Variants in TNFSF4 observed in about 807,000 individuals in gnomAD.
The protein encoded by TNFSF4 is tumor necrosis factor ligand superfamily member 4.
Under a neutral mutation model 7.3 loss-of-function variants are expected in TNFSF4, and 4 were observed. The ratio of observed to expected loss-of-function variants is 0.55; its 90% CI spans 0.27 to 1.25. The LOEUF is 1.25. Among genes scored for constraint, TNFSF4 ranks in the 50% most tolerant of loss-of-function variants. The probability of loss-of-function intolerance (pLI) is 0.12; values close to 1 mark genes in which losing one functional copy is unlikely to be tolerated. For synonymous variants in TNFSF4, 76 were observed against 83.7 expected (o/e 0.91, Z 0.50); for missense variants, 181 against 208.8 (o/e 0.87, Z 0.82).
chr1:173,361,244 CA>C, the TNFSF4 span, among the ~76,000 whole-genome samples: 1 of 152,254 alleles, frequency 6.6e-6, no homozygotes, highest in African/African-American at 2.4e-5. Flanking sequence ...AAATTTGGAC[CA>C]GAGCAGAATT....
the TNFSF4 span, among the ~76,000 whole-genome samples, chr1:173,224,375 T>G: frequency 6.6e-6 from 1 of 152,228 alleles, no homozygotes; most frequent in African/African-American, 2.4e-5. Flanking sequence ...ATTTAATCCC[T>G]GCAGAGTGGG....
the TNFSF4 span, among the ~76,000 whole-genome samples, chr1:173,261,713 A>G: frequency 6.6e-6 from 1 of 152,206 alleles, no homozygotes; most frequent in South Asian, 2.1e-4. Flanking sequence ...CTATGCACAT[A>G]AACTAGAAAA....
At chr1:173,432,915 T>C in the TNFSF4 span, among the ~76,000 whole-genome samples, 9 of 152,336 alleles carry the variant, frequency 5.9e-5, no homozygotes, top group Non-Finnish European at 1.0e-4. Context: ...AAAGTGACAA[T>C]TGTTATGCTC....
chr1:173,266,016 T>C, the TNFSF4 span, among the ~76,000 whole-genome samples: 12,961 of 152,196 alleles, frequency 0.085, 623 homozygotes, highest in Middle Eastern at 0.12. Context: ...AATGAAACCA[T>C]CACAATAGGA....
chr1:173,242,170 T>C, the TNFSF4 span, among the ~76,000 whole-genome samples: 1 of 152,156 alleles, frequency 6.6e-6, no homozygotes, highest in Non-Finnish European at 1.5e-5. Context: ...TATAAGTGGA[T>C]AGCACTCCAG....
the TNFSF4 span, among the ~76,000 whole-genome samples, chr1:173,245,786 G>A: frequency 6.6e-6 from 1 of 151,916 alleles, no homozygotes; most frequent in African/African-American, 2.4e-5. Flanking sequence ...ATTTTACTCT[G>A]TACTTCTATG....
the TNFSF4 span, among the ~76,000 whole-genome samples, chr1:173,433,394 T>C: frequency 5.9e-5 from 9 of 152,026 alleles, no homozygotes; most frequent in African/African-American, 1.9e-4. Context: ...AACAAACATC[T>C]CTTAAGAAAT....
chr1:173,292,939 G>T, the TNFSF4 span, among the ~76,000 whole-genome samples: 2 of 152,102 alleles, frequency 1.3e-5, no homozygotes, highest in Non-Finnish European at 2.9e-5. Context: ...AACCAAGGAA[G>T]TGAAAGCTCT....
the TNFSF4 span, among the ~76,000 whole-genome samples, chr1:173,416,608 T>TTTTATTTATTTATTTA: frequency 2.2e-4 from 27 of 121,984 alleles, no homozygotes; most frequent in African/African-American, 8.3e-4. Context: ...ATTTTTTTAT[T>TTTTATTTATTTATTTA]TTTATTTATT....
At chr1:173,178,350 C>T in the TNFSF4 span, among the ~76,000 whole-genome samples, 3 of 152,106 alleles carry the variant, frequency 2.0e-5, no homozygotes, top group East Asian at 1.9e-4. Flanking sequence ...CCGAGGCAGG[C>T]GGATCACGAG....
chr1:173,270,745 T>C, the TNFSF4 span, among the ~76,000 whole-genome samples: 2 of 152,112 alleles, frequency 1.3e-5, no homozygotes, highest in African/African-American at 4.8e-5. Flanking sequence ...AAGCAAAAAC[T>C]ATTAGAAATA....
chr1:173,412,502 C>T, the TNFSF4 span, among the ~76,000 whole-genome samples: 1 of 152,138 alleles, frequency 6.6e-6, no homozygotes, highest in Non-Finnish European at 1.5e-5. Context: ...GAAAGACTAG[C>T]GATTTGAACT....
the TNFSF4 span, among the ~76,000 whole-genome samples, chr1:173,276,642 A>G: frequency 6.6e-6 from 1 of 152,148 alleles, no homozygotes; most frequent in Non-Finnish European, 1.5e-5. Flanking sequence ...TACGAGCTCA[A>G]CTTTGTGGGA....
chr1:173,219,373 T>A, the TNFSF4 span, among the ~76,000 whole-genome samples: 1 of 152,222 alleles, frequency 6.6e-6, no homozygotes, highest in South Asian at 2.1e-4. Flanking sequence ...TCCCTGGAAA[T>A]TAGTGACTAT....
At chr1:173,214,060 G>A in the TNFSF4 span, among the ~76,000 whole-genome samples, 13 of 152,306 alleles carry the variant, frequency 8.5e-5, no homozygotes, top group African/African-American at 2.4e-4. Flanking sequence ...AAACCCTGAT[G>A]TGGATACATC....
chr1:173,379,706 C>T, the TNFSF4 span, among the ~76,000 whole-genome samples: 1 of 152,304 alleles, frequency 6.6e-6, no homozygotes. Flanking sequence ...AAGGCCGCAG[C>T]CTTAGTCATG....
At chr1:173,237,569 C>T in the TNFSF4 span, among the ~76,000 whole-genome samples, 21 of 152,238 alleles carry the variant, frequency 1.4e-4, no homozygotes, top group Admixed American at 1.3e-3. Flanking sequence ...TTTTGGTATA[C>T]AAAATCAATG....
chr1:173,303,182 T>C, the TNFSF4 span, among the ~76,000 whole-genome samples: 1 of 151,908 alleles, frequency 6.6e-6, no homozygotes, highest in African/African-American at 2.4e-5. Flanking sequence ...AGACTGCTTC[T>C]GTGTCTCTTT....
chr1:173,348,691 C>A, the TNFSF4 span, among the ~76,000 whole-genome samples: 1 of 152,066 alleles, frequency 6.6e-6, no homozygotes, highest in Non-Finnish European at 1.5e-5. Flanking sequence ...AGAAAAGGCA[C>A]AAATTATTAG....
Sources: allele counts gnomAD v4.1 joint callset (sites outside exome capture counted in the v4.1 genomes callset), GRCh38; gene constraint gnomAD v4.1.1; transcripts MANE v1.5; gene names NCBI Gene and HGNC (gene_info 2026-07-23, HGNC 2026-07-21).